VAV3: variants seen among roughly 807,000 people sequenced by gnomAD.
VAV3 encodes the protein vav guanine nucleotide exchange factor 3.
In VAV3, 94 loss-of-function variants were observed where a neutral mutation model predicts 131.2. The ratio of observed to expected loss-of-function variants is 0.72; its 90% CI spans 0.61 to 0.85. VAV3 has a LOEUF of 0.85. Ranked by LOEUF, VAV3 falls within the 40% of genes least tolerant of loss-of-function variation. VAV3 has a pLI of 0.00. For synonymous variants in VAV3, 349 were observed against 342.0 expected, an observed-to-expected ratio of 1.02 and a Z score of -0.22; for missense variants, 939 against 1,002.7, an observed-to-expected ratio of 0.94 and a Z score of 0.86.
At chr1:107,804,339 T>C (rs143391394) in intron 2 of VAV3, among the ~76,000 whole-genome samples, 1,886 of 152,282 alleles carry the variant, frequency 0.012, 19 homozygotes, top group Non-Finnish European at 0.02. Context: ...TCTTCCTTTG[T>C]GGTTAAGTGA....
chr1:107,599,822 C>G (rs1651697363), intron 24 of VAV3, among the ~76,000 whole-genome samples: 1 of 82,654 alleles, frequency 1.2e-5, no homozygotes, highest in African/African-American at 3.8e-5. Flanking sequence ...GAAGAGTAAA[C>G]TAATACCAAT....
chr1:107,936,615 A>G (rs1458369186), intron 1 of VAV3, among the ~76,000 whole-genome samples: 1 of 152,200 alleles, frequency 6.6e-6, no homozygotes, highest in South Asian at 2.1e-4. Context: ...AAGTGACTCA[A>G]GAATGAGTCA....
chr1:107,810,188 C>A (rs1030909190), intron 2 of VAV3, among the ~76,000 whole-genome samples: 2 of 152,140 alleles, frequency 1.3e-5, no homozygotes, highest in Non-Finnish European at 2.9e-5. Context: ...GGATTTTCAA[C>A]CTTGCCTTTG....
At chr1:107,872,839 C>T (rs546711154) in intron 2 of VAV3, among the ~76,000 whole-genome samples, 15 of 152,252 alleles carry the variant, frequency 9.9e-5, no homozygotes, top group Admixed American at 5.9e-4. Flanking sequence ...AACGTTGTTA[C>T]AATTTTACAA....
intron 19 of VAV3, among the ~76,000 whole-genome samples, chr1:107,654,759 C>T (rs766605205): frequency 6.6e-6 from 1 of 151,978 alleles, no homozygotes; most frequent in Non-Finnish European, 1.5e-5. Flanking sequence ...TAACAAGCTA[C>T]TCAAACAAGT....
chr1:107,828,364 T>C (rs1459126216), intron 2 of VAV3, among the ~76,000 whole-genome samples: 1 of 152,186 alleles, frequency 6.6e-6, no homozygotes, highest in African/African-American at 2.4e-5. Context: ...TCCTCTAACA[T>C]AGTGAGTATA....
At chr1:107,751,072 T>C (rs1465928371) in intron 13 of VAV3, 45 bp downstream of exon 13, 20 of 1,562,800 alleles carry the variant, frequency 1.3e-5, no homozygotes, top group Non-Finnish European at 1.7e-5. Context: ...CTCAGTTTTC[T>C]GACACTAATT....
At chr1:107,909,032 G>C (rs767005516) in intron 1 of VAV3, among the ~76,000 whole-genome samples, 9 of 152,146 alleles carry the variant, frequency 5.9e-5, no homozygotes, top group African/African-American at 2.2e-4. Context: ...TGAGGGAAAA[G>C]TTTTGATAGA....
At chr1:107,728,494 G>A (rs1295547364) in intron 15 of VAV3, among the ~76,000 whole-genome samples, 1 of 151,952 alleles carries the variant, frequency 6.6e-6, no homozygotes, top group East Asian at 1.9e-4. Flanking sequence ...AGGAGTGAGG[G>A]TGGGTGGGTG....
chr1:107,909,183 T>C (rs1450281581), intron 1 of VAV3, among the ~76,000 whole-genome samples: 1 of 152,236 alleles, frequency 6.6e-6, no homozygotes, highest in Non-Finnish European at 1.5e-5. Context: ...TCAGTGGTTA[T>C]ACTATCTTGT....
intron 1 of VAV3, among the ~76,000 whole-genome samples, chr1:107,913,703 C>T (rs1274869530): frequency 1.3e-5 from 2 of 152,174 alleles, no homozygotes; most frequent in Non-Finnish European, 2.9e-5. Context: ...TATGCACCAA[C>T]CTATACACAG....
intron 19 of VAV3, among the ~76,000 whole-genome samples, chr1:107,654,450 T>C (rs1284574187): frequency 1.3e-5 from 2 of 152,092 alleles, no homozygotes; most frequent in Non-Finnish European, 2.9e-5. Flanking sequence ...CATTATCCTA[T>C]AAGCTTTTGT....
At position 107,665,172 on chromosome 1, in the gene VAV3, T is replaced by TG. The variant is rs1657323418; in HGVS notation, c.1777+18315dup. On this transcript the variant is annotated intron_variant, in intron 19 of 26. Coordinates refer to ENST00000370056, the MANE Select transcript of VAV3 (RefSeq NM_006113.5). ...CAGGATTGGAGGCAAGACGAACAATTGGGAGACTATTACAACAGCTGACAA... is the reference window on the plus strand; with the variant it reads ...CAGGATTGGAGGCAAGACGAACAATTGGGGAGACTATTACAACAGCTGACAA... Among the ~76,000 whole-genome samples the TG allele has an allele frequency of 2.6e-5, 4 of 152,208 alleles. No homozygotes were observed. In the East Asian group the frequency reaches 7.7e-4, roughly 29 times the overall value.
intron 20 of VAV3, among the ~76,000 whole-genome samples, chr1:107,635,669 T>C (rs1466043665): frequency 6.6e-6 from 1 of 152,146 alleles, no homozygotes; most frequent in Non-Finnish European, 1.5e-5. Flanking sequence ...GCCACAAATT[T>C]GATGGTGACA....
intron 19 of VAV3, among the ~76,000 whole-genome samples, chr1:107,655,611 A>C (rs1425730049): frequency 6.6e-6 from 1 of 152,174 alleles, no homozygotes; most frequent in African/African-American, 2.4e-5. Flanking sequence ...CAAAAGCAAA[A>C]ATAGAACACG....
At chr1:107,833,547 T>G (rs1377186426) in intron 2 of VAV3, among the ~76,000 whole-genome samples, 1 of 152,062 alleles carries the variant, frequency 6.6e-6, no homozygotes, top group African/African-American at 2.4e-5. Flanking sequence ...ACTAACAAAA[T>G]TTTAGAAATT....
intron 17 of VAV3, among the ~76,000 whole-genome samples, chr1:107,704,103 T>C (rs1008059958): frequency 6.6e-6 from 1 of 152,218 alleles, no homozygotes; most frequent in Admixed American, 6.5e-5. Context: ...CATGAATTAG[T>C]CTGTGTGATG....
intron 25 of VAV3, among the ~76,000 whole-genome samples, chr1:107,594,900 T>A (rs1418710912): frequency 2.0e-5 from 3 of 152,072 alleles, no homozygotes; most frequent in Non-Finnish European, 4.4e-5. Flanking sequence ...CTAACTGACC[T>A]CCCTGGCAAC....
chr1:107,696,895 C>A (rs144814042), intron 17 of VAV3, among the ~76,000 whole-genome samples: 1 of 152,160 alleles, frequency 6.6e-6, no homozygotes, highest in Non-Finnish European at 1.5e-5. Context: ...AAATCCTAGG[C>A]CAGTCATGAA....
Sources: allele counts gnomAD v4.1 joint callset (sites outside exome capture counted in the v4.1 genomes callset), GRCh38; gene constraint gnomAD v4.1.1; transcripts MANE v1.5; gene names NCBI Gene and HGNC (gene_info 2026-07-23, HGNC 2026-07-21).